The following PTPRN2 variants were observed in gnomAD, a reference collection of about 807,000 sequenced individuals.
The protein encoded by PTPRN2 is protein tyrosine phosphatase receptor type N2, also known as receptor-type tyrosine-protein phosphatase N2.
Under a neutral mutation model 118.8 loss-of-function variants are expected in PTPRN2, and 74 were observed. The ratio of observed to expected loss-of-function variants is 0.62; its 90% CI spans 0.52 to 0.76. The LOEUF is 0.76. Ranked by LOEUF, PTPRN2 falls within the 30% of genes least tolerant of loss-of-function variation. PTPRN2 has a pLI of 0.00. For synonymous variants in PTPRN2, 641 were observed against 608.0 expected (o/e 1.05, Z -0.80); for missense variants, 1,481 against 1,394.4 (o/e 1.06, Z -0.99).
intron 3 of PTPRN2, among the ~76,000 whole-genome samples, chr7:158,288,382 T>C (rs755524976): frequency 1.1e-4 from 16 of 152,200 alleles, no homozygotes; most frequent in Non-Finnish European, 2.2e-4. Context: ...TCTGTGTCTG[T>C]CTTCCCTTAT....
intron 2 of PTPRN2, among the ~76,000 whole-genome samples, chr7:158,467,561 A>G (rs952451865): frequency 6.6e-6 from 1 of 152,124 alleles, no homozygotes; most frequent in Non-Finnish European, 1.5e-5. Flanking sequence ...GTATGTTTTC[A>G]GAGTTTTACA....
intron 14 of PTPRN2, 23 bp from the exon 15 acceptor site, chr7:157,621,532 G>A (rs1200034245): frequency 9.3e-6 from 15 of 1,609,718 alleles, no homozygotes; most frequent in Non-Finnish European, 1.2e-5. Context: ...CACAGGGTCA[G>A]GAGCGCACCT....
At chr7:157,857,719 G>C (rs796781166) in intron 12 of PTPRN2, 1 of 152,292 alleles carries the variant, frequency 6.6e-6, no homozygotes, top group South Asian at 2.1e-4. Context: ...GACGCGCCAC[G>C]TGTCCGTCCA....
intron 12 of PTPRN2, among the ~76,000 whole-genome samples, chr7:157,883,463 C>T (rs1796276381): frequency 6.6e-6 from 1 of 150,524 alleles, no homozygotes; most frequent in African/African-American, 2.5e-5. Context: ...GATCGGAATG[C>T]ACCACCCCAA....
chr7:157,717,913 T>A (rs1264359197), intron 12 of PTPRN2, among the ~76,000 whole-genome samples: 1 of 152,290 alleles, frequency 6.6e-6, no homozygotes, highest in Non-Finnish European at 1.5e-5. Flanking sequence ...GAAGCCATTT[T>A]TCGGTATTTC....
chr7:158,119,614 G>GGGGA (rs1816990875), intron 9 of PTPRN2, among the ~76,000 whole-genome samples: 1 of 147,092 alleles, frequency 6.8e-6, no homozygotes, highest in African/African-American at 2.6e-5. Context: ...TTTGAAAGAG[G>GGGGA]GAGAGAGAGA....
intron 11 of PTPRN2, among the ~76,000 whole-genome samples, chr7:157,934,058 C>T (rs1183983321): frequency 6.6e-6 from 1 of 152,146 alleles, no homozygotes; most frequent in Non-Finnish European, 1.5e-5. Context: ...CTGGGTTTTG[C>T]TCTTTGTCGA....
At chr7:157,858,151 CA>C (rs1563179222) in intron 12 of PTPRN2, among the ~76,000 whole-genome samples, 110 of 24,828 alleles carry the variant, frequency 4.4e-3, no homozygotes, top group South Asian at 6.1e-3. Flanking sequence ...AGAGCCCCGT[CA>C]CCACCCACAC....
intron 11 of PTPRN2, among the ~76,000 whole-genome samples, chr7:158,059,063 G>A (rs1397071849): frequency 4.2e-4 from 37 of 88,658 alleles, no homozygotes; most frequent in Admixed American, 8.7e-4. Flanking sequence ...ATCTGCCCAC[G>A]GTGACACATC....
intron 2 of PTPRN2, among the ~76,000 whole-genome samples, chr7:158,430,937 A>AAGCAGACATGTTTGAGCAGAACCAG (rs932487146): frequency 3.9e-5 from 6 of 152,286 alleles, no homozygotes; most frequent in African/African-American, 1.4e-4. Context: ...CGTGGAACCA[A>AAGCAGACATGTTTGAGCAGAACCAG]AGCAGACATG....
chr7:157,876,582 C>T (rs1256570248), intron 12 of PTPRN2, among the ~76,000 whole-genome samples: 3 of 152,186 alleles, frequency 2.0e-5, no homozygotes. Flanking sequence ...GCACAGACGG[C>T]CAAGGCAGGC....
chr7:158,361,337 CA>C (rs1808933405), intron 2 of PTPRN2, among the ~76,000 whole-genome samples: 14 of 1,126 alleles, frequency 0.012, 5 homozygotes, highest in South Asian at 0.062. Flanking sequence ...TGGGACGACT[CA>C]CAAACCCTAC....
In PTPRN2 at chr7:157,721,016, G is replaced by A. The variant is rs375378254; in HGVS notation, c.1789-38079C>T. Reference sequence around the variant, plus strand: ...GGGCTCGGGGAGGTGTCAGGACAGCGGGATGGACGTGGGTCCACAGAGCTG... The same window carrying A: ...GGGCTCGGGGAGGTGTCAGGACAGCAGGATGGACGTGGGTCCACAGAGCTG... On this transcript the variant is annotated intron_variant, in intron 12 of 22. Coordinates refer to ENST00000389418, the MANE Select transcript of PTPRN2 (RefSeq NM_002847.5). Among the ~76,000 whole-genome samples the A allele has an allele frequency of 2.3e-4, 34 of 146,166 alleles. No homozygotes were observed. In the Middle Eastern group the frequency reaches 0.011, roughly 46 times the overall value.
chr7:157,816,918 G>A (rs1041543966), intron 12 of PTPRN2, among the ~76,000 whole-genome samples: 1 of 152,214 alleles, frequency 6.6e-6, no homozygotes, highest in African/African-American at 2.4e-5. Context: ...ACGGGGCTGG[G>A]CACCCCAAGA....
At chr7:158,146,198 G>T (rs1819969796) in intron 6 of PTPRN2, among the ~76,000 whole-genome samples, 1 of 152,130 alleles carries the variant, frequency 6.6e-6, no homozygotes, top group Non-Finnish European at 1.5e-5. Context: ...CACACAAGCT[G>T]ACAGGCACCT....
intron 3 of PTPRN2, among the ~76,000 whole-genome samples, chr7:158,298,407 A>G (rs1285760520): frequency 6.6e-6 from 1 of 152,172 alleles, no homozygotes; most frequent in Non-Finnish European, 1.5e-5. Flanking sequence ...ATATGTTTGG[A>G]TTTATTCTGG....
At chr7:158,086,880 A>G (rs1457704590) in intron 10 of PTPRN2, among the ~76,000 whole-genome samples, 1 of 152,320 alleles carries the variant, frequency 6.6e-6, no homozygotes, top group East Asian at 1.9e-4. Context: ...ACACACATCA[A>G]TAACCTTATT....
In PTPRN2 at chr7:158,159,304, A is replaced by G. The variant is rs72505554; in HGVS notation, c.910+7627T>C. The stretch of plus-strand genomic sequence containing the variant: ...AGAAACAAGTTCTTCCAGCTTCCAC[A>G]TGAGTTTCCGAGTGCACTTCCCACA... On this transcript the variant is annotated intron_variant, in intron 6 of 22. Coordinates refer to ENST00000389418, the MANE Select transcript of PTPRN2 (RefSeq NM_002847.5). 2.0e-5 allele frequency among the ~76,000 whole-genome samples: 3 copies of G among 152,198 alleles called. No individual in the cohort carries two copies. In the East Asian group the frequency reaches 5.8e-4, roughly 29 times the overall value.
chr7:157,960,151 G>A (rs578019743), intron 11 of PTPRN2, among the ~76,000 whole-genome samples: 115 of 151,060 alleles, frequency 7.6e-4, no homozygotes, highest in Admixed American at 1.5e-3. Context: ...GACAGAAAGT[G>A]GAACGGTGGG....
Sources: allele counts gnomAD v4.1 joint callset (sites outside exome capture counted in the v4.1 genomes callset), GRCh38; gene constraint gnomAD v4.1.1; transcripts MANE v1.5; gene names NCBI Gene and HGNC (gene_info 2026-07-23, HGNC 2026-07-21).